The following RALGAPA2 variants were observed in gnomAD, a reference collection of about 807,000 sequenced individuals.
The protein encoded by RALGAPA2 is Ral GTPase activating protein catalytic subunit alpha 2, also known as ral GTPase-activating protein subunit alpha-2.
RALGAPA2 carries 139 observed loss-of-function variants against 230.4 expected under a neutral mutation model. The observed-to-expected ratio is 0.60, with a 90% CI of 0.53 to 0.69. The LOEUF (loss-of-function observed/expected upper bound fraction) is 0.69. RALGAPA2 is among the 30% of genes least tolerant of loss of function. RALGAPA2 has a pLI of 0.00. For missense variants in RALGAPA2, 2,163 were observed against 2,276.0 expected, an observed-to-expected ratio of 0.95 and a Z score of 1.01; for synonymous variants, 847 against 837.8, an observed-to-expected ratio of 1.01 and a Z score of -0.19.
chr20:20,402,119 G>A (rs2059854943), intron 38 of RALGAPA2, among the ~76,000 whole-genome samples: 5 of 152,194 alleles, frequency 3.3e-5, no homozygotes, highest in Admixed American at 2.6e-4. Context: ...GAATGGAGAG[G>A]CCTAAGTGCT....
At position 20,712,562 on chromosome 20, in the gene RALGAPA2, C is replaced by G. The variant is rs2069932998; in HGVS notation, c.-82G>C. ...AATCAAAGCATAGGGTCGAGGCCGG[C>G]GCGTGTCGCGCGGGCCACTCGCCGC... On this transcript the variant is annotated 5_prime_UTR_variant, in exon 1 of 40. Coordinates refer to ENST00000202677, the MANE Select transcript of RALGAPA2 (RefSeq NM_020343.4). The surrounding 1 kb of genome is among the most constrained non-coding windows in gnomAD (Gnocchi z 5.5). 2 of 1,319,572 alleles carry G rather than the reference C, an allele frequency of 1.5e-6. No individual in the cohort carries two copies. The highest frequency in any genetic ancestry group is 4.2e-5 in the Admixed American group (1 of 23,690). The allele number at this position is 1,319,572 out of a possible 1,614,324, so 81.7% of individuals were successfully genotyped here.
chr20:20,643,422 TCCAAAATGCC>T, intron 5 of RALGAPA2, 74 bp downstream of exon 5: 1 of 1,272,462 alleles, frequency 7.9e-7, no homozygotes, highest in Admixed American at 3.2e-5. Flanking sequence ...AGATCTTTTT[TCCAAAATGCC>T]CTAACATTGT....
chr20:20,496,418 A>G (rs1389520739), intron 35 of RALGAPA2, among the ~76,000 whole-genome samples: 2 of 152,214 alleles, frequency 1.3e-5, no homozygotes, highest in African/African-American at 4.8e-5. Context: ...TATGAAGATT[A>G]AAATGTTGGC....
At chr20:20,573,743 T>C (rs1377050675) in intron 20 of RALGAPA2, among the ~76,000 whole-genome samples, 2 of 152,206 alleles carry the variant, frequency 1.3e-5, no homozygotes, top group Non-Finnish European at 2.9e-5. Context: ...AAAATGCATT[T>C]GAGATTCATC....
intron 17 of RALGAPA2, among the ~76,000 whole-genome samples, chr20:20,590,808 C>T (rs2065266226): frequency 6.6e-6 from 1 of 152,088 alleles, no homozygotes; most frequent in Non-Finnish European, 1.5e-5. Context: ...TTCCCTATGT[C>T]CCTGCCCCCA....
intron 22 of RALGAPA2, 67 bp downstream of exon 22, chr20:20,571,780 AT>A: frequency 1.3e-6 from 2 of 1,498,556 alleles, no homozygotes; most frequent in Non-Finnish European, 9.1e-7. Context: ...GGGCAATTAC[AT>A]TTTTCAAACT....
chr20:20,444,563 T>A (rs1034887808), intron 37 of RALGAPA2, among the ~76,000 whole-genome samples: 2 of 152,120 alleles, frequency 1.3e-5, no homozygotes, highest in African/African-American at 4.8e-5. Context: ...ACCAGCACCT[T>A]CCTGCTGCTT....
Position 20,591,277 on chromosome 20 carries a change from T to C in RALGAPA2, c.2241A>G (p.Ala747=). The part of the protein sequence containing the change: ...EECQQSENAP[A]AGSGHLTVGQ... ...CCACTGTGAGATGGCCAGATCCGGC[T>C]GCAGGTGCATTTTCTGACTGTTGAC... Residue 747 remains alanine, a synonymous_variant, in exon 17 of 40, where the codon GCA becomes GCG. Transcript: ENST00000202677. 1 of 1,613,944 alleles carries C rather than the reference T, an allele frequency of 6.2e-7. No individual in the cohort carries two copies. Among genetic ancestry groups the C allele is most frequent in the Non-Finnish European group, 8.5e-7 (1 of 1,179,844 alleles).
chr20:20,583,529 C>A (rs538828368), intron 19 of RALGAPA2, among the ~76,000 whole-genome samples: 1 of 152,126 alleles, frequency 6.6e-6, no homozygotes, highest in African/African-American at 2.4e-5. Context: ...TACACCAAGT[C>A]CTAAAGTGTG....
intron 18 of RALGAPA2, among the ~76,000 whole-genome samples, chr20:20,588,389 G>T (rs1403461686): frequency 6.6e-6 from 1 of 152,126 alleles, no homozygotes; most frequent in Non-Finnish European, 1.5e-5. Context: ...AAATTCAAAA[G>T]TAAGGACAAC....
In RALGAPA2 at chr20:20,612,350, T is replaced by TA. The variant is rs1396405756; in HGVS notation, c.1689-925dup. Among the ~76,000 whole-genome samples the TA allele has an allele frequency of 3.3e-5, 5 of 152,220 alleles. No individual in the cohort carries two copies. The East Asian group carries it at 9.6e-4, about 29-fold the overall frequency. On this transcript the variant is annotated intron_variant, in intron 13 of 39. Coordinates refer to ENST00000202677, the MANE Select transcript of RALGAPA2 (RefSeq NM_020343.4). ...AGGTTTCACATGCTAACCATTCATC[T>TA]AATCTTTACTACTTTCTCCTTGGCT...
At chr20:20,559,868 CA>C (rs2064204465) in intron 23 of RALGAPA2, among the ~76,000 whole-genome samples, 1 of 152,146 alleles carries the variant, frequency 6.6e-6, no homozygotes, top group African/African-American at 2.4e-5. Flanking sequence ...TTGTACTCTT[CA>C]AAAGGGCAAA....
intron 30 of RALGAPA2, among the ~76,000 whole-genome samples, chr20:20,522,953 T>C (rs943401109): frequency 2.0e-5 from 3 of 152,060 alleles, no homozygotes; most frequent in Non-Finnish European, 4.4e-5. Flanking sequence ...AATCCTAATA[T>C]AGTTATTAAA....
chr20:20,401,735 C>T (rs1379057811), intron 38 of RALGAPA2, among the ~76,000 whole-genome samples: 1 of 152,146 alleles, frequency 6.6e-6, no homozygotes, highest in East Asian at 1.9e-4. Context: ...ATTGCAGAAG[C>T]AATGGAAATG....
At chr20:20,517,287 G>C (rs1432470584) in intron 31 of RALGAPA2, among the ~76,000 whole-genome samples, 9 of 152,220 alleles carry the variant, frequency 5.9e-5, no homozygotes, top group Admixed American at 5.9e-4. Context: ...ATTAGGACAG[G>C]AGTGAGGCTG....
At chr20:20,572,762 T>C (rs956470303) in intron 21 of RALGAPA2, 113 bp downstream of exon 21, 1 of 900,240 alleles carries the variant, frequency 1.1e-6, no homozygotes, top group Non-Finnish European at 1.6e-6. Flanking sequence ...TTTGTCTAAA[T>C]GTACCATTTG....
chr20:20,637,334 C>G lies in RALGAPA2; in HGVS notation c.805+29G>C. ...GACTGCATAGCTTTCCTTTGGATAT[C>G]CTCTATACACGGCTCCAACAGTACT... On this transcript the variant is annotated intron_variant, in intron 8 of 39. Coordinates refer to ENST00000202677, the MANE Select transcript of RALGAPA2 (RefSeq NM_020343.4). 3 of 1,533,046 alleles carry G rather than the reference C, an allele frequency of 2.0e-6. No homozygotes were observed. In the South Asian group the frequency reaches 3.8e-5, roughly 20 times the overall value. The allele number at this position is 1,533,046 out of a possible 1,614,324, so 95.0% of individuals were successfully genotyped here. A position where few individuals can be genotyped will look rare whatever the true frequency, so the allele number is the denominator to read the frequency against.
chr20:20,582,475 AT>A (rs1031014695), intron 20 of RALGAPA2, among the ~76,000 whole-genome samples: 18 of 151,972 alleles, frequency 1.2e-4, no homozygotes, highest in Non-Finnish European at 1.8e-4. Context: ...GTATGAAGTC[AT>A]TTTTTTTAAG....
chr20:20,571,710 G>A, intron 22 of RALGAPA2, 97 bp from the exon 23 acceptor site: 6 of 1,480,158 alleles, frequency 4.1e-6, no homozygotes, highest in Non-Finnish European at 3.7e-6. Flanking sequence ...AGTTGTTTAT[G>A]GACATGTGGG....
Sources: gnomAD v4.1 joint callset for allele counts (sites outside exome capture counted in the v4.1 genomes callset) on GRCh38, gnomAD v4.1.1 for gene constraint, Gnocchi (gnomAD v3.1) non-coding constraint, MANE v1.5 for transcripts, NCBI Gene and HGNC (gene_info 2026-07-23, HGNC 2026-07-21) for gene names.